LRRC72: variants seen among roughly 807,000 people sequenced by gnomAD.
LRRC72 encodes the protein leucine rich repeat containing 72.
In LRRC72, 41 loss-of-function variants were observed where a neutral mutation model predicts 35.8. The ratio of observed to expected loss-of-function variants is 1.15; its 90% confidence interval spans 0.89 to 1.49. The LOEUF (loss-of-function observed/expected upper bound fraction) is 1.49. Among genes scored for constraint, LRRC72 ranks in the 40% most tolerant of loss-of-function variants. The probability of loss-of-function intolerance (pLI) is 0.00; values close to 1 mark genes in which losing one functional copy is unlikely to be tolerated. For synonymous variants in LRRC72, 118 were observed against 119.2 expected, an observed-to-expected ratio of 0.99 and a Z score of 0.07; for missense variants, 389 against 330.7, an observed-to-expected ratio of 1.18 and a Z score of -1.37.
chr7:16,540,236 T>C (rs1173090963), intron 3 of LRRC72, among the ~76,000 whole-genome samples: 2 of 152,288 alleles, frequency 1.3e-5, no homozygotes, highest in Non-Finnish European at 1.5e-5. Context: ...AAAAGAGATA[T>C]TGGAGTTTTA....
At chr7:16,541,730 G>A (rs757813092) in intron 3 of LRRC72, among the ~76,000 whole-genome samples, 2 of 152,188 alleles carry the variant, frequency 1.3e-5, no homozygotes, top group African/African-American at 2.4e-5. Flanking sequence ...TGGCCAACAT[G>A]GTGAAACTCC....
In LRRC72 at chr7:16,532,553, T is replaced by G. The variant is rs1284010344; in HGVS notation, c.149T>G (p.Leu50Arg). ...GHRRDADVFE[L>R]FLSKKELTEV... The stretch of plus-strand genomic sequence containing the variant: ...AGGAGGGATGCTGATGTCTTTGAGC[T>G]GTTCCTTTCTAAAAAGTAAGTGTAC... The change falls in exon 2 of 9, where the codon CTG becomes CGG. Residue 50 changes from leucine (L) to arginine (R), a missense_variant. Leu to Arg is a moderately radical substitution (Grantham distance 102, BLOSUM62 -2). Transcript: ENST00000401542. The G allele has an allele frequency of 3.2e-6, 5 of 1,549,038 alleles. No homozygotes were observed. Among genetic ancestry groups the G allele is most frequent in the Non-Finnish European group, 4.4e-6 (5 of 1,145,624 alleles).
At position 16,526,941 on chromosome 7, in the gene LRRC72, C is replaced by G; in HGVS notation, c.-12C>G. The G allele has an allele frequency of 6.5e-7, 1 of 1,538,602 alleles. No individual in the cohort carries two copies. The highest frequency in any genetic ancestry group is 8.7e-7 in the Non-Finnish European group (1 of 1,146,502). Reference sequence around the variant, plus strand: ...GATTAATCACCGCTGCTTCGGCCGCCCATGTGTCCTGATGTCCTGGGACCC... The same window carrying G: ...GATTAATCACCGCTGCTTCGGCCGCGCATGTGTCCTGATGTCCTGGGACCC... On this transcript the variant is annotated 5_prime_UTR_variant, in exon 1 of 9. Transcript: ENST00000401542.
Position 16,536,031 on chromosome 7 carries a change from C to T in LRRC72, c.165-1596C>T, listed in dbSNP as rs144487012. 7.5e-3 allele frequency among the ~76,000 whole-genome samples: 1,137 copies of T among 152,220 alleles called. 19 individuals carry two copies. The highest frequency in any genetic ancestry group is 0.026 in the African/African-American group (1,071 of 41,524). On this transcript the variant is annotated intron_variant, in intron 2 of 8. Transcript: ENST00000401542. Reference sequence around the variant, plus strand: ...GGGATTACAGGCATGTGCCACCACACCCAGCTAATTTTTGTATTTTTAGTA... The same window carrying T: ...GGGATTACAGGCATGTGCCACCACATCCAGCTAATTTTTGTATTTTTAGTA...
rs1288579948 is a variant in LRRC72, at chr7:16,581,548, CTT to C, written c.*60_*61del. 7.8e-7 allele frequency: 1 copy of C among 1,276,966 alleles called. No individual in the cohort carries two copies. Among genetic ancestry groups the C allele is most frequent in the Non-Finnish European group, 1.0e-6 (1 of 967,656 alleles). The allele number at this position is 1,276,966 out of a possible 1,614,324, so 79.1% of individuals were successfully genotyped here. On this transcript the variant is annotated 3_prime_UTR_variant, in exon 9 of 9. Coordinates refer to ENST00000401542, the MANE Select transcript of LRRC72 (RefSeq NM_001195280.2). Reference sequence around the variant, plus strand: ...AGTTGTATATTAAACTTCCCTGTGACTTAGCATATTACATACTTACAATGATA... The same window carrying C: ...AGTTGTATATTAAACTTCCCTGTGACAGCATATTACATACTTACAATGATA...
At chr7:16,548,847 C>T (rs911024810) in intron 3 of LRRC72, among the ~76,000 whole-genome samples, 1 of 152,212 alleles carries the variant, frequency 6.6e-6, no homozygotes, top group Non-Finnish European at 1.5e-5. Context: ...TCCCGCAACA[C>T]GATCTCCAAG....
At chr7:16,568,285 G>A (rs966744971) in intron 7 of LRRC72, among the ~76,000 whole-genome samples, 1 of 152,200 alleles carries the variant, frequency 6.6e-6, no homozygotes, top group Non-Finnish European at 1.5e-5. Context: ...CGAAGGAAGA[G>A]AGGGTGGATA....
At chr7:16,539,833 G>A (rs1782325567) in intron 3 of LRRC72, among the ~76,000 whole-genome samples, 1 of 152,190 alleles carries the variant, frequency 6.6e-6, no homozygotes. Context: ...AGAGACAATT[G>A]TTGAGCTTTG....
chr7:16,573,401 C>G (rs933281614), intron 7 of LRRC72, among the ~76,000 whole-genome samples: 5 of 152,184 alleles, frequency 3.3e-5, no homozygotes, highest in South Asian at 2.1e-4. Flanking sequence ...TGATTTCAAA[C>G]TATACAACAT....
intron 7 of LRRC72, among the ~76,000 whole-genome samples, chr7:16,568,768 G>A (rs920885196): frequency 7.2e-5 from 11 of 152,148 alleles, no homozygotes; most frequent in African/African-American, 1.9e-4. Context: ...TAAAGCAGTC[G>A]GAGAGAAAAC....
chr7:16,559,372 T>G (rs1488510647), intron 5 of LRRC72, among the ~76,000 whole-genome samples: 3 of 151,332 alleles, frequency 2.0e-5, no homozygotes, highest in Non-Finnish European at 2.9e-5. Flanking sequence ...CTATCCTGGG[T>G]AACAGAGCAA....
At chr7:16,569,070 T>C (rs1782898009) in intron 7 of LRRC72, among the ~76,000 whole-genome samples, 1 of 152,218 alleles carries the variant, frequency 6.6e-6, no homozygotes, top group South Asian at 2.1e-4. Flanking sequence ...CCCACATATA[T>C]TCAACAAGTG....
chr7:16,569,561 C>G (rs1236796042), intron 7 of LRRC72, among the ~76,000 whole-genome samples: 1 of 152,142 alleles, frequency 6.6e-6, no homozygotes, highest in African/African-American at 2.4e-5. Flanking sequence ...GTTTCAGCAG[C>G]AGACATCATT....
Position 16,532,475 on chromosome 7 carries a change from GATTA to G in LRRC72, c.91-15_91-12del. On this transcript the variant is annotated splice_polypyrimidine_tract_variant and intron_variant, in intron 1 of 8. Transcript: ENST00000401542. ...TTGTTCATTGGAATGTAGTTTGACA[GATTA>G]ATTATATGTTATCAGGCAGTTGAAG... is the stretch of plus-strand genomic sequence containing the variant. 1 of 1,535,832 alleles carries G rather than the reference GATTA, an allele frequency of 6.5e-7. No homozygotes were observed. The highest frequency in any genetic ancestry group is 8.8e-7 in the Non-Finnish European group (1 of 1,133,664).
chr7:16,535,301 C>G (rs1782234616), intron 2 of LRRC72, among the ~76,000 whole-genome samples: 1 of 151,940 alleles, frequency 6.6e-6, no homozygotes, highest in Non-Finnish European at 1.5e-5. Context: ...CTTGAAATGT[C>G]TTTTATAAGG....
At position 16,557,390 on chromosome 7, in the gene LRRC72, T is replaced by C. The variant is rs1771932049; in HGVS notation, c.265T>C (p.Tyr89His). Residue 89 changes from tyrosine to histidine, a missense_variant, in exon 4 of 9, where the codon TAT becomes CAT. Transcript: ENST00000401542. The part of the protein sequence containing the change: ...LHGITFLTRN[Y>H]CLTELYLNNN... ...TGGAATAACATTTCTAACTAGAAACTATTGTCTGACAGAACTATATCTAAA... is the reference window on the plus strand; with the variant it reads ...TGGAATAACATTTCTAACTAGAAACCATTGTCTGACAGAACTATATCTAAA... The C allele has an allele frequency of 1.5e-6, 2 of 1,335,910 alleles. No individual in the cohort carries two copies. 82.8% of individuals were successfully genotyped at this position (1,335,910 alleles called of 1,614,324 possible).
At chr7:16,540,982 A>G (rs919797934) in intron 3 of LRRC72, among the ~76,000 whole-genome samples, 1 of 152,168 alleles carries the variant, frequency 6.6e-6, no homozygotes, top group Non-Finnish European at 1.5e-5. Context: ...CCAGGCCACC[A>G]TGCCCCCAAA....
At chr7:16,543,056 C>G (rs1388546522) in intron 3 of LRRC72, among the ~76,000 whole-genome samples, 1 of 152,134 alleles carries the variant, frequency 6.6e-6, no homozygotes, top group African/African-American at 2.4e-5. Flanking sequence ...GCTAAGCTGC[C>G]TAAGTGTTCA....
Position 16,557,419 on chromosome 7 carries a change from CA to C in LRRC72, c.296del (p.Asn99MetfsTer6). 1 of 1,301,726 alleles carries C rather than the reference CA, an allele frequency of 7.7e-7. No homozygotes were observed. The highest frequency in any genetic ancestry group is 1.0e-6 in the Non-Finnish European group (1 of 992,036). The allele number at this position is 1,301,726 out of a possible 1,614,324, so 80.6% of individuals were successfully genotyped here. Reference protein sequence around the residue: ...YCLTELYLNNNAIFEIEGLHY... With the variant: ...YCLTELYLNNXAIFEIEGLHY... ...GTCTGACAGAACTATATCTAAACAA[CA>C]ATGCAATATTTGAGATAGAAGGTAC... is the stretch of plus-strand genomic sequence containing the variant. On this transcript the variant is annotated frameshift_variant, in exon 4 of 9. Coordinates refer to ENST00000401542, the MANE Select transcript of LRRC72 (RefSeq NM_001195280.2). LOFTEE classifies it high-confidence loss of function.
Sources: allele counts gnomAD v4.1 joint callset (sites outside exome capture counted in the v4.1 genomes callset), GRCh38; gene constraint gnomAD v4.1.1; transcripts MANE v1.5; gene names NCBI Gene and HGNC (gene_info 2026-07-23, HGNC 2026-07-21).